SLC35F1: variants seen among roughly 807,000 people sequenced by gnomAD.
The protein encoded by SLC35F1 is chromosome 6 open reading frame 169.
SLC35F1 carries 14 observed loss-of-function variants against 48.7 expected under a neutral mutation model. The observed-to-expected ratio is 0.29, with a 90% confidence interval of 0.19 to 0.45. The LOEUF is 0.45. Ranked by LOEUF, SLC35F1 falls within the 20% of genes least tolerant of loss-of-function variation. The probability of loss-of-function intolerance (pLI) is 1.00; values close to 1 mark genes in which losing one functional copy is unlikely to be tolerated. For synonymous variants in SLC35F1, 190 were observed against 202.2 expected, an observed-to-expected ratio of 0.94 and a Z score of 0.51; for missense variants, 404 against 500.0, an observed-to-expected ratio of 0.81 and a Z score of 1.83.
At chr6:118,016,037 C>T (rs1777316133) in intron 1 of SLC35F1, among the ~76,000 whole-genome samples, 1 of 152,262 alleles carries the variant, frequency 6.6e-6, no homozygotes, top group Admixed American at 6.5e-5. Context: ...TCAAAACAAA[C>T]TCTATCAAAT....
At chr6:117,961,370 G>C (rs1453379713) in intron 1 of SLC35F1, among the ~76,000 whole-genome samples, 2 of 152,162 alleles carry the variant, frequency 1.3e-5, no homozygotes, top group Non-Finnish European at 2.9e-5. Context: ...TACAGGATGG[G>C]AACATTTAGT....
intron 1 of SLC35F1, among the ~76,000 whole-genome samples, chr6:118,010,930 T>C (rs117679268): frequency 6.6e-6 from 1 of 152,272 alleles, no homozygotes; most frequent in Non-Finnish European, 1.5e-5. Context: ...TGCTTCTCAA[T>C]TGTGGATGAT....
At chr6:117,911,403 C>T (rs1387339282) in intron 1 of SLC35F1, among the ~76,000 whole-genome samples, 2 of 96,542 alleles carry the variant, frequency 2.1e-5, no homozygotes, top group Non-Finnish European at 3.8e-5. Flanking sequence ...CTCCCCTCCC[C>T]TCCCTCCCTC....
At chr6:117,997,914 A>T (rs2114863693) in intron 1 of SLC35F1, among the ~76,000 whole-genome samples, 1 of 152,244 alleles carries the variant, frequency 6.6e-6, no homozygotes, top group South Asian at 2.1e-4. Context: ...GATCAAATTC[A>T]CACACAACAA....
intron 1 of SLC35F1, among the ~76,000 whole-genome samples, chr6:117,916,328 C>T (rs1366406652): frequency 6.6e-6 from 1 of 151,986 alleles, no homozygotes; most frequent in Admixed American, 6.6e-5. Context: ...AAAGTATTGT[C>T]TTCTATGAAT....
At position 118,132,661 on chromosome 6, in the gene SLC35F1, C is replaced by G. The variant is rs184639351; in HGVS notation, c.174-21784C>G. Reference sequence around the variant, plus strand: ...TTATTTCTCTCAGTAAAGAATGATTCAGTAGAGACATTTTATTCCCTTTTA... The same window carrying G: ...TTATTTCTCTCAGTAAAGAATGATTGAGTAGAGACATTTTATTCCCTTTTA... On this transcript the variant is annotated intron_variant, in intron 1 of 7. Transcript: ENST00000360388. 4.5e-3 allele frequency among the ~76,000 whole-genome samples: 690 copies of G among 152,278 alleles called. 11 individuals carry two copies. Among genetic ancestry groups the G allele is most frequent in the African/African-American group, 0.016 (651 of 41,566 alleles).
chr6:118,269,425 A>G (rs1243847567), intron 4 of SLC35F1, among the ~76,000 whole-genome samples: 2 of 152,180 alleles, frequency 1.3e-5, no homozygotes, highest in Non-Finnish European at 2.9e-5. Flanking sequence ...ACATAGAATG[A>G]TGTTTTAAGA....
rs115360192 is a variant in SLC35F1 at position 118,073,125 on chromosome 6, T to C, written c.174-81320T>C. ...TCCTTTCCTAGCATTTAAATAATTA[T>C]GTAAGGCTCTAGAAGGAGGGAGATG... On this transcript the variant is annotated intron_variant, in intron 1 of 7. Transcript: ENST00000360388. 2.1e-3 allele frequency among the ~76,000 whole-genome samples: 325 copies of C among 152,318 alleles called. 1 individual carries two copies. The highest frequency in any genetic ancestry group is 7.4e-3 in the African/African-American group (309 of 41,566).
intron 7 of SLC35F1, among the ~76,000 whole-genome samples, chr6:118,291,503 T>C (rs1167791735): frequency 6.6e-6 from 1 of 152,214 alleles, no homozygotes; most frequent in Non-Finnish European, 1.5e-5. Flanking sequence ...TCTGTGATTG[T>C]CTTTTTACTT....
chr6:118,075,088 A>G (rs534156015), intron 1 of SLC35F1, among the ~76,000 whole-genome samples: 2 of 152,346 alleles, frequency 1.3e-5, no homozygotes, highest in East Asian at 1.9e-4. Flanking sequence ...TGATGAAGCC[A>G]TGTTCTGTTT....
chr6:118,241,164 AT>A lies in SLC35F1; in HGVS notation c.477+5533del, dbSNP rs557150376. 3.5e-4 allele frequency among the ~76,000 whole-genome samples: 54 copies of A among 152,262 alleles called. 2 individuals carry two copies. In the East Asian group the frequency reaches 0.01, roughly 29 times the overall value. On this transcript the variant is annotated intron_variant, in intron 3 of 7. Coordinates refer to ENST00000360388, the MANE Select transcript of SLC35F1 (RefSeq NM_001029858.4). ...ATGTTGTAGGTAAAAGAAAACCTGA[AT>A]TTTTCTTAGGAAACAAATGATAGGA... is the stretch of plus-strand genomic sequence containing the variant.
At chr6:117,963,260 A>T (rs1434692168) in intron 1 of SLC35F1, among the ~76,000 whole-genome samples, 1 of 152,166 alleles carries the variant, frequency 6.6e-6, no homozygotes, top group Admixed American at 6.5e-5. Context: ...GATTACTGAG[A>T]CAACATATGC....
chr6:118,010,572 T>TA (rs1165941931), intron 1 of SLC35F1, among the ~76,000 whole-genome samples: 3 of 152,136 alleles, frequency 2.0e-5, no homozygotes, highest in Non-Finnish European at 4.4e-5. Flanking sequence ...TATTAACACA[T>TA]ACAAAAAATG....
chr6:118,247,294 T>A (rs1487784023), intron 3 of SLC35F1, among the ~76,000 whole-genome samples: 1 of 152,190 alleles, frequency 6.6e-6, no homozygotes, highest in Non-Finnish European at 1.5e-5. Flanking sequence ...TATGGTGTTA[T>A]CCCAGGTAAG....
At chr6:118,160,965 G>T (rs1267316813) in intron 2 of SLC35F1, among the ~76,000 whole-genome samples, 1 of 149,500 alleles carries the variant, frequency 6.7e-6, no homozygotes, top group Non-Finnish European at 1.5e-5. Context: ...GGTAATTGTT[G>T]TTTCTTCCAA....
intron 1 of SLC35F1, among the ~76,000 whole-genome samples, chr6:118,082,084 C>G (rs1272142668): frequency 6.6e-6 from 1 of 152,212 alleles, no homozygotes; most frequent in East Asian, 1.9e-4. Flanking sequence ...TTCTAAACCA[C>G]AAGACTGCAT....
At chr6:118,205,201 G>C (rs1204840633) in intron 2 of SLC35F1, among the ~76,000 whole-genome samples, 1 of 152,196 alleles carries the variant, frequency 6.6e-6, no homozygotes, top group East Asian at 1.9e-4. Flanking sequence ...TTAGGGTAGA[G>C]TGTTAGCTTA....
intron 7 of SLC35F1, 129 bp downstream of exon 7, chr6:118,285,467 C>A (rs561442824): frequency 1.9e-6 from 2 of 1,031,338 alleles, no homozygotes; most frequent in Non-Finnish European, 2.9e-6. Flanking sequence ...GTGTGCTAAC[C>A]TCCATGATTT....
At chr6:118,204,411 G>C (rs1180024925) in intron 2 of SLC35F1, among the ~76,000 whole-genome samples, 1 of 152,176 alleles carries the variant, frequency 6.6e-6, no homozygotes, top group African/African-American at 2.4e-5. Flanking sequence ...TTTACTTTGG[G>C]GAAGGTTATG....
Sources: gnomAD v4.1 joint callset for allele counts (sites outside exome capture counted in the v4.1 genomes callset) on GRCh38, gnomAD v4.1.1 for gene constraint, MANE v1.5 for transcripts, NCBI Gene and HGNC (gene_info 2026-07-23, HGNC 2026-07-21) for gene names.